The following DIPK1A variants were observed in gnomAD, a reference collection of about 807,000 sequenced individuals.
DIPK1A encodes the protein family with sequence similarity 69 member A.
Under a neutral mutation model 40.8 loss-of-function variants are expected in DIPK1A, and 27 were observed. The ratio of observed to expected loss-of-function variants is 0.66; its 90% confidence interval spans 0.49 to 0.91. The LOEUF (loss-of-function observed/expected upper bound fraction) is 0.91. Among genes scored for constraint, DIPK1A ranks in the 40% least tolerant of loss-of-function variants. The probability of loss-of-function intolerance (pLI) is 0.00; values close to 1 mark genes in which losing one functional copy is unlikely to be tolerated. For missense variants in DIPK1A, 412 were observed against 505.7 expected (o/e 0.81, Z 1.78); for synonymous variants, 166 against 171.3 (o/e 0.97, Z 0.24).
At chr1:92,868,412 C>G (rs975374665) in intron 2 of DIPK1A, among the ~76,000 whole-genome samples, 2 of 152,168 alleles carry the variant, frequency 1.3e-5, no homozygotes, top group Non-Finnish European at 2.9e-5. Flanking sequence ...CTCAAGCTCC[C>G]TTCTTTGGGC....
At chr1:92,899,093 G>A (rs554596057) in intron 1 of DIPK1A, among the ~76,000 whole-genome samples, 87 of 152,240 alleles carry the variant, frequency 5.7e-4, no homozygotes, top group African/African-American at 2.0e-3. Context: ...ATTCATTTCT[G>A]TTGTTGATTT....
At chr1:92,909,459 G>C (rs1476954865) in intron 1 of DIPK1A, among the ~76,000 whole-genome samples, 1 of 152,206 alleles carries the variant, frequency 6.6e-6, no homozygotes, top group African/African-American at 2.4e-5. Context: ...CTGGGGTCAA[G>C]AGGAGGGAGG....
At chr1:92,939,243 C>T (rs1651061630) in intron 1 of DIPK1A, among the ~76,000 whole-genome samples, 1 of 152,148 alleles carries the variant, frequency 6.6e-6, no homozygotes, top group Non-Finnish European at 1.5e-5. Context: ...AATAAAAATA[C>T]TTGCTACATA....
intron 1 of DIPK1A, among the ~76,000 whole-genome samples, chr1:92,890,573 C>G (rs922278331): frequency 3.3e-5 from 5 of 152,010 alleles, no homozygotes; most frequent in African/African-American, 1.2e-4. Context: ...TTAAAATGAC[C>G]ATAAGGTTTT....
chr1:92,844,355 CT>C (rs1687504107), intron 4 of DIPK1A, among the ~76,000 whole-genome samples, 160 bp from the exon 5 acceptor site: 1 of 152,216 alleles, frequency 6.6e-6, no homozygotes, highest in South Asian at 2.1e-4. Context: ...ATTTATGATA[CT>C]TCCTAAGTGA....
intron 4 of DIPK1A, among the ~76,000 whole-genome samples, chr1:92,845,314 C>A (rs1301712871): frequency 7.5e-5 from 3 of 39,816 alleles, no homozygotes; most frequent in Admixed American, 3.6e-4. Context: ...TTTTTTTTTG[C>A]ATAGGAAGAA....
chr1:92,848,634 C>T (rs1687711814), intron 3 of DIPK1A, among the ~76,000 whole-genome samples: 1 of 152,206 alleles, frequency 6.6e-6, no homozygotes, highest in Non-Finnish European at 1.5e-5. Context: ...GTTTCATTAT[C>T]CTCATAGCCT....
chr1:92,926,658 C>A (rs1650523202), intron 1 of DIPK1A, among the ~76,000 whole-genome samples: 1 of 152,114 alleles, frequency 6.6e-6, no homozygotes, highest in African/African-American at 2.4e-5. Flanking sequence ...TTCCATCTGT[C>A]AGTTTTATGG....
At position 92,942,099 on chromosome 1, in the gene DIPK1A, C is replaced by T. The variant is rs181430817; in HGVS notation, c.54+19277G>A. Among the ~76,000 whole-genome samples the T allele has an allele frequency of 2.0e-3, 299 of 152,060 alleles. 1 individual carries two copies. The highest frequency in any genetic ancestry group is 7.0e-3 in the African/African-American group (290 of 41,456). On this transcript the variant is annotated intron_variant, in intron 1 of 4. Coordinates refer to ENST00000370310, the MANE Select transcript of DIPK1A (RefSeq NM_001006605.5). Reference sequence around the variant, plus strand: ...TTTTTGATGAGGAAAAGAGAAACAGCAAAATGATGAGCAGCAAAATAGCAA... The same window carrying T: ...TTTTTGATGAGGAAAAGAGAAACAGTAAAATGATGAGCAGCAAAATAGCAA...
At chr1:92,839,462 G>C (rs1251288770), downstream of DIPK1A, among the ~76,000 whole-genome samples, 1 of 152,162 alleles carries the variant, frequency 6.6e-6, no homozygotes, top group African/African-American at 2.4e-5. Context: ...CTAGATACTA[G>C]GGATAGATTG....
intron 1 of DIPK1A, among the ~76,000 whole-genome samples, chr1:92,955,515 A>C (rs1224310114): frequency 1.3e-5 from 2 of 151,254 alleles, no homozygotes; most frequent in Admixed American, 1.3e-4. Flanking sequence ...TGGCTAACAC[A>C]GTGAAGCCCC....
Position 92,892,326 on chromosome 1 carries a change from T to A in DIPK1A, c.55-15896A>T, listed in dbSNP as rs576914687. Among the ~76,000 whole-genome samples the A allele has an allele frequency of 2.2e-4, 34 of 152,118 alleles. 1 individual carries two copies. In the East Asian group the frequency reaches 6.0e-3, roughly 27 times the overall value. On this transcript the variant is annotated intron_variant, in intron 1 of 4. Transcript: ENST00000370310. ...TGAGACAAAACTTCCAGAGGAACGA[T>A]CAGGCAGCAACATTTGCTGTTCATC...
At chr1:92,919,468 C>T (rs141612803) in intron 1 of DIPK1A, among the ~76,000 whole-genome samples, 1 of 152,248 alleles carries the variant, frequency 6.6e-6, no homozygotes, top group East Asian at 1.9e-4. Context: ...TTTCGAAGTA[C>T]CTTTCACTGA....
intron 4 of DIPK1A, chr1:92,833,418 C>G (rs762299279): frequency 1.9e-6 from 3 of 1,613,806 alleles, no homozygotes; most frequent in South Asian, 2.2e-5. Flanking sequence ...AGAATAAGGC[C>G]TACTTTAAGA....
chr1:92,841,742 A>T (rs1687372547), downstream of DIPK1A: 2 of 1,513,166 alleles, frequency 1.3e-6, no homozygotes, highest in Non-Finnish European at 1.8e-6. Context: ...TAGTTTAAAA[A>T]ATATATATTC....
chr1:92,882,520 G>A (rs1434361026), intron 1 of DIPK1A, among the ~76,000 whole-genome samples: 1 of 152,202 alleles, frequency 6.6e-6, no homozygotes, highest in Non-Finnish European at 1.5e-5. Context: ...CACTGATCAT[G>A]TAACCCTATA....
At chr1:92,896,191 T>C (rs376913365) in intron 1 of DIPK1A, among the ~76,000 whole-genome samples, 2 of 152,060 alleles carry the variant, frequency 1.3e-5, no homozygotes, top group Non-Finnish European at 2.9e-5. Flanking sequence ...GAGCCCGCAT[T>C]GCCAAGTCAA....
intron 1 of DIPK1A, among the ~76,000 whole-genome samples, chr1:92,900,059 T>C (rs1357512484): frequency 6.6e-6 from 1 of 152,178 alleles, no homozygotes; most frequent in African/African-American, 2.4e-5. Context: ...GAATTCTTTG[T>C]TTTTGACTTT....
chr1:92,870,279 G>A (rs1369041288), intron 2 of DIPK1A, among the ~76,000 whole-genome samples: 1 of 152,134 alleles, frequency 6.6e-6, no homozygotes, highest in Non-Finnish European at 1.5e-5. Context: ...AGGCTGGAGT[G>A]CAGTGGTGCA....
Sources: allele counts gnomAD v4.1 joint callset (sites outside exome capture counted in the v4.1 genomes callset), GRCh38; gene constraint gnomAD v4.1.1; transcripts MANE v1.5; gene names NCBI Gene and HGNC (gene_info 2026-07-23, HGNC 2026-07-21).